The following UBP1 variants were observed in gnomAD, a reference collection of about 807,000 sequenced individuals.
The protein encoded by UBP1 is upstream-binding protein 1.
UBP1 carries 22 observed loss-of-function variants against 76.1 expected under a neutral mutation model. That is an observed-to-expected ratio of 0.29 (90% CI 0.21 to 0.41). The LOEUF (loss-of-function observed/expected upper bound fraction) is 0.41. Among genes scored for constraint, UBP1 ranks in the 10% least tolerant of loss-of-function variants. The pLI is 1.00. For missense variants in UBP1, 436 were observed against 668.1 expected, an observed-to-expected ratio of 0.65 and a Z score of 3.83; for synonymous variants, 224 against 237.1, an observed-to-expected ratio of 0.94 and a Z score of 0.51.
chr3:33,394,484 T>C (rs1431808811), intron 13 of UBP1, among the ~76,000 whole-genome samples: 1 of 150,256 alleles, frequency 6.7e-6, no homozygotes, highest in Non-Finnish European at 1.5e-5. Flanking sequence ...AACAATGAAG[T>C]GTGATGCTTC....
chr3:33,402,914 GA>G lies in UBP1; in HGVS notation c.928-11del. The G allele has an allele frequency of 6.3e-7, 1 of 1,594,254 alleles. No homozygotes were observed. The highest frequency in any genetic ancestry group is 8.6e-7 in the Non-Finnish European group (1 of 1,168,200). On this transcript the variant is annotated splice_polypyrimidine_tract_variant and intron_variant, in intron 8 of 15. Coordinates refer to ENST00000283629, the MANE Select transcript of UBP1 (RefSeq NM_014517.5). ...CGGGCCACGGAGAACACTAAGGACA[GA>G]AACAGAAATAAATTAGTGATATGCT...
chr3:33,432,246 C>G (rs1052567812), intron 1 of UBP1, among the ~76,000 whole-genome samples: 3 of 151,954 alleles, frequency 2.0e-5, no homozygotes, highest in African/African-American at 4.8e-5. Flanking sequence ...ATTACCTGAG[C>G]CTAGGAAGTC....
intron 1 of UBP1, among the ~76,000 whole-genome samples, chr3:33,432,317 C>T (rs1017187975): frequency 2.6e-5 from 4 of 152,112 alleles, no homozygotes; most frequent in Non-Finnish European, 4.4e-5. Flanking sequence ...CAGTGTGACC[C>T]TCTTCTGGCT....
chr3:33,425,479 G>T, intron 2 of UBP1, 111 bp downstream of exon 2: 1 of 1,179,100 alleles, frequency 8.5e-7, no homozygotes, highest in Non-Finnish European at 1.1e-6. Context: ...TAAAATTTAA[G>T]AAAAAGAACC....
intron 1 of UBP1, among the ~76,000 whole-genome samples, chr3:33,428,114 G>A (rs1041060149): frequency 6.7e-6 from 1 of 149,510 alleles, no homozygotes; most frequent in South Asian, 2.1e-4. Flanking sequence ...CCTGGGAGTC[G>A]GAGGTTGCAG....
intron 8 of UBP1, among the ~76,000 whole-genome samples, chr3:33,408,017 T>C (rs957177641): frequency 3.9e-5 from 6 of 152,182 alleles, no homozygotes; most frequent in East Asian, 1.9e-4. Flanking sequence ...TGACTGCATA[T>C]TGGGGGCGGC....
chr3:33,427,111 GC>G (rs990894204), intron 1 of UBP1, among the ~76,000 whole-genome samples: 4 of 152,204 alleles, frequency 2.6e-5, no homozygotes, highest in Non-Finnish European at 5.9e-5. Context: ...GGGATTAGAG[GC>G]ATGTGCCACC....
At chr3:33,410,282 G>C (rs957804197) in intron 5 of UBP1, among the ~76,000 whole-genome samples, 1 of 152,158 alleles carries the variant, frequency 6.6e-6, no homozygotes, top group African/African-American at 2.4e-5. Context: ...CAAGACCTTG[G>C]TCATTTCTGA....
intron 1 of UBP1, among the ~76,000 whole-genome samples, chr3:33,434,682 C>CTTT (rs10709462): frequency 0.019 from 1,681 of 87,722 alleles, 74 homozygotes; most frequent in Admixed American, 0.034. Flanking sequence ...AATGGTTTTA[C>CTTT]TTTTTTTTTT....
rs1306772492 is a variant in UBP1 at position 33,393,386 on chromosome 3, T to C, written c.1459A>G (p.Asn487Asp). Reference protein sequence around the residue: ...EVARKLALVFNIPLHQINQVY... With the variant: ...EVARKLALVFDIPLHQINQVY... ...TGATTAATTTGGTGGAGAGGGATATTAAACACCAGCGCAAGTTTTCGAGCA... is the reference window on the plus strand; with the variant it reads ...TGATTAATTTGGTGGAGAGGGATATCAAACACCAGCGCAAGTTTTCGAGCA... The change falls in exon 14 of 16, where the codon AAT becomes GAT. Residue 487 changes from asparagine to aspartate, a missense_variant. Physicochemically the swap from Asn to Asp is conservative, Grantham distance 23. This residue lies in a region of UBP1 where 210 missense variants were observed against 272.8 expected (regional missense o/e 0.77). Coordinates refer to ENST00000283629, the MANE Select transcript of UBP1 (RefSeq NM_014517.5). 1.9e-6 allele frequency: 3 copies of C among 1,613,700 alleles called. No individual in the cohort carries two copies. The highest frequency in any genetic ancestry group is 1.3e-5 in the African/African-American group (1 of 74,992).
chr3:33,424,831 A>T (rs1181636899), intron 2 of UBP1, among the ~76,000 whole-genome samples: 2 of 152,214 alleles, frequency 1.3e-5, no homozygotes, highest in African/African-American at 2.4e-5. Context: ...GGATCACTTA[A>T]GGTCAGGAGT....
intron 13 of UBP1, among the ~76,000 whole-genome samples, chr3:33,393,679 A>C (rs1432368605): frequency 6.6e-6 from 1 of 152,248 alleles, no homozygotes; most frequent in Non-Finnish European, 1.5e-5. Context: ...CACAAATATA[A>C]TTTAATAAAC....
intron 2 of UBP1, among the ~76,000 whole-genome samples, chr3:33,418,601 G>A (rs1202696205): frequency 2.0e-5 from 3 of 151,604 alleles, no homozygotes; most frequent in African/African-American, 7.3e-5. Context: ...GCTCACGCTT[G>A]TAATCCCAGC....
intron 1 of UBP1, among the ~76,000 whole-genome samples, chr3:33,438,944 G>T (rs1234723980): frequency 6.6e-6 from 1 of 152,174 alleles, no homozygotes; most frequent in Non-Finnish European, 1.5e-5. Context: ...TATTAGTCAA[G>T]TCAACGCTAT....
At chr3:33,393,205 CT>C in intron 14 of UBP1, 106 bp downstream of exon 14, 7 of 1,153,604 alleles carry the variant, frequency 6.1e-6, no homozygotes, top group Non-Finnish European at 8.3e-6. Context: ...GAAAATGATT[CT>C]CATAAGTATT....
chr3:33,399,921 A>C (rs2044157544), intron 11 of UBP1, among the ~76,000 whole-genome samples: 1 of 152,212 alleles, frequency 6.6e-6, no homozygotes, highest in Admixed American at 6.5e-5. Context: ...AAATCATGTA[A>C]AACTATATAC....
At chr3:33,419,576 C>T (rs897070381) in intron 2 of UBP1, among the ~76,000 whole-genome samples, 2 of 146,802 alleles carry the variant, frequency 1.4e-5, no homozygotes, top group Admixed American at 7.0e-5. Flanking sequence ...TGCGGTGAGC[C>T]GAGATCGCGC....
chr3:33,433,324 T>C (rs111671786), intron 1 of UBP1, among the ~76,000 whole-genome samples: 15,067 of 138,940 alleles, frequency 0.11, 879 homozygotes, highest in Admixed American at 0.16. Flanking sequence ...GTCTCCCAAA[T>C]TGCTGGGATT....
At chr3:33,395,394 A>G (rs970407115) in intron 13 of UBP1, among the ~76,000 whole-genome samples, 1 of 152,090 alleles carries the variant, frequency 6.6e-6, no homozygotes, top group Non-Finnish European at 1.5e-5. Context: ...AAAGAAGGAA[A>G]TGTTACCATA....
Sources: allele counts gnomAD v4.1 joint callset (sites outside exome capture counted in the v4.1 genomes callset), GRCh38; gene constraint gnomAD v4.1.1; regional missense constraint gnomAD v4.1.1; transcripts MANE v1.5; gene names NCBI Gene and HGNC (gene_info 2026-07-23, HGNC 2026-07-21).